The following MCC variants were observed in gnomAD, a reference collection of about 807,000 sequenced individuals.
MCC encodes colorectal mutant cancer protein.
In MCC, 90 loss-of-function variants were observed where a neutral mutation model predicts 116.2. That is an observed-to-expected ratio of 0.77 (90% CI 0.65 to 0.92). The LOEUF (loss-of-function observed/expected upper bound fraction) is 0.92, where lower values mean the gene tolerates loss of function less well. Ranked by LOEUF, MCC falls within the 40% of genes least tolerant of loss-of-function variation. The probability of loss-of-function intolerance (pLI) is 0.00; values close to 1 mark genes in which losing one functional copy is unlikely to be tolerated. For synonymous variants in MCC, 578 were observed against 510.5 expected (o/e 1.13, Z -1.78); for missense variants, 1,516 against 1,312.2 (o/e 1.16, Z -2.40).
At chr5:113,282,431 T>C (rs994191746) in intron 3 of MCC, among the ~76,000 whole-genome samples, 5 of 152,206 alleles carry the variant, frequency 3.3e-5, no homozygotes, top group South Asian at 2.1e-4. Flanking sequence ...GCAGTTCAGA[T>C]GCCCAAAATG....
intron 3 of MCC, among the ~76,000 whole-genome samples, chr5:113,212,479 A>G (rs1763168731): frequency 6.6e-6 from 1 of 152,206 alleles, no homozygotes. Context: ...ACACCGAAAA[A>G]AAAAGATCTC....
At position 113,085,251 on chromosome 5, in the gene MCC, G is replaced by T. The variant is rs767096279; in HGVS notation, c.1458C>A (p.Gly486=). The T allele has an allele frequency of 1.1e-5, 18 of 1,614,160 alleles. No homozygotes were observed. The highest frequency in any genetic ancestry group is 1.5e-5 in the Non-Finnish European group (18 of 1,180,032). ...SVQATGPSSP[G]RLTSTNRPIN... is the part of the protein sequence containing the mutation. ...TCGGGCGGTTGGTGGAAGTGAGGCG[G>T]CCAGGGCTGGAGGGACCTGTGGCCT... Residue 486 remains glycine, a synonymous_variant, in exon 9 of 19, where the codon GGC becomes GGA. Transcript: ENST00000408903.
intron 2 of MCC, among the ~76,000 whole-genome samples, chr5:113,351,424 G>A (rs1221625978): frequency 6.6e-6 from 1 of 152,082 alleles, no homozygotes; most frequent in African/African-American, 2.4e-5. Flanking sequence ...TATGTTAAAT[G>A]AAATAAGCCA....
intron 3 of MCC, among the ~76,000 whole-genome samples, chr5:113,289,532 T>C (rs1766403896): frequency 6.6e-6 from 1 of 152,060 alleles, no homozygotes; most frequent in South Asian, 2.1e-4. Flanking sequence ...CACACAGAAA[T>C]GATCCTGTGC....
intron 3 of MCC, among the ~76,000 whole-genome samples, chr5:113,192,579 C>T (rs1477406138): frequency 2.6e-5 from 4 of 152,188 alleles, no homozygotes; most frequent in African/African-American, 9.7e-5. Flanking sequence ...AGAATCCTAG[C>T]TCTGAAACTA....
intron 5 of MCC, among the ~76,000 whole-genome samples, chr5:113,124,976 A>T (rs1757960652): frequency 6.6e-6 from 1 of 152,220 alleles, no homozygotes; most frequent in South Asian, 2.1e-4. Flanking sequence ...ACCTAATTTC[A>T]GTTACGTCAC....
chr5:113,214,313 C>T (rs1019100094), intron 3 of MCC, among the ~76,000 whole-genome samples: 1 of 152,222 alleles, frequency 6.6e-6, no homozygotes, highest in Non-Finnish European at 1.5e-5. Context: ...CTACCACATG[C>T]TCAGTCCTCT....
Position 113,064,050 on chromosome 5 carries a change from C to G in MCC, c.2147G>C (p.Gly716Ala). ...GCTGCAGCCGGCCACGGCAAAGGCT[C>G]CCCCACAGCTGCCGTCCAGCTTCAT... is the stretch of plus-strand genomic sequence containing the variant. ...LLMKLDGSCGGAFAVAGCSVQ... is the reference protein window; with the variant it reads ...LLMKLDGSCGAAFAVAGCSVQ... The change falls in exon 14 of 19, where the codon GGA becomes GCA. Residue 716 changes from glycine (G) to alanine (A), a missense_variant. Physicochemically the swap from Gly to Ala is moderately conservative, Grantham distance 60 (BLOSUM62 0). Transcript: ENST00000408903. 9 of 1,614,156 alleles carry G rather than the reference C, an allele frequency of 5.6e-6. 1 individual carries two copies. In the Middle Eastern group the frequency reaches 1.5e-3, roughly 268 times the overall value.
chr5:113,077,419 C>T (rs1754533337), intron 11 of MCC, among the ~76,000 whole-genome samples: 1 of 152,180 alleles, frequency 6.6e-6, no homozygotes, highest in South Asian at 2.1e-4. Context: ...AAGCACTCCT[C>T]AGCAAATGGA....
intron 1 of MCC, among the ~76,000 whole-genome samples, chr5:113,430,183 T>C (rs910187179): frequency 6.6e-6 from 1 of 152,256 alleles, no homozygotes; most frequent in East Asian, 1.9e-4. Context: ...TAGTCATTTT[T>C]TCAACACTAA....
chr5:113,064,957 T>C (rs1005256899), intron 13 of MCC, among the ~76,000 whole-genome samples: 3 of 152,272 alleles, frequency 2.0e-5, no homozygotes, highest in African/African-American at 4.8e-5. Flanking sequence ...GGAGTTCAAA[T>C]ACAGCCTGGG....
chr5:113,250,749 A>G (rs555124759), intron 3 of MCC, among the ~76,000 whole-genome samples: 75 of 152,280 alleles, frequency 4.9e-4, no homozygotes, highest in Non-Finnish European at 9.7e-4. Flanking sequence ...TGGAAAACGC[A>G]TGTGGCTTTT....
intron 14 of MCC, among the ~76,000 whole-genome samples, chr5:113,060,147 T>C (rs4705766): frequency 0.83 from 123,523 of 148,056 alleles, 50,576 homozygotes; most frequent in Non-Finnish European, 0.89. Flanking sequence ...AGCAGCTCTT[T>C]TTGTTTGTTT....
At chr5:113,304,483 C>T (rs1173904070) in intron 3 of MCC, among the ~76,000 whole-genome samples, 1 of 152,214 alleles carries the variant, frequency 6.6e-6, no homozygotes, top group African/African-American at 2.4e-5. Flanking sequence ...TAATAACCCA[C>T]AGTCATTTGG....
chr5:113,324,671 G>A (rs922068111), intron 3 of MCC, among the ~76,000 whole-genome samples: 1 of 152,146 alleles, frequency 6.6e-6, no homozygotes, highest in Non-Finnish European at 1.5e-5. Context: ...ATTTCTTTCT[G>A]AGAATCTAAA....
At chr5:113,423,183 T>A (rs1268729559) in intron 1 of MCC, among the ~76,000 whole-genome samples, 2 of 152,200 alleles carry the variant, frequency 1.3e-5, no homozygotes, top group Non-Finnish European at 2.9e-5. Context: ...TTTTCATACC[T>A]TCGTGCTTTT....
At chr5:113,396,740 G>A (rs1293591182) in intron 1 of MCC, among the ~76,000 whole-genome samples, 2 of 152,180 alleles carry the variant, frequency 1.3e-5, no homozygotes, top group African/African-American at 2.4e-5. Flanking sequence ...CCCAAGGATG[G>A]AGAATTTTGT....
chr5:113,155,374 G>A lies in MCC; in HGVS notation c.628-3952C>T, dbSNP rs149941042. On this transcript the variant is annotated intron_variant, in intron 3 of 18. Coordinates refer to ENST00000408903, the MANE Select transcript of MCC (RefSeq NM_001085377.2). ...GATACAGGTGTTCCTGTAATAAGCCGATTTTCTTTGCTTTGAACAAATACC... is the reference window on the plus strand; with the variant it reads ...GATACAGGTGTTCCTGTAATAAGCCAATTTTCTTTGCTTTGAACAAATACC... 2.5e-3 allele frequency among the ~76,000 whole-genome samples: 386 copies of A among 152,278 alleles called. 1 individual carries two copies. The highest frequency in any genetic ancestry group is 0.01 in the Middle Eastern group (3 of 294).
intron 16 of MCC, among the ~76,000 whole-genome samples, chr5:113,047,122 G>C (rs1213737890): frequency 6.6e-6 from 1 of 152,162 alleles, no homozygotes; most frequent in African/African-American, 2.4e-5. Context: ...CAGAAAACCT[G>C]TCCTGAATCT....
Sources: gnomAD v4.1 joint callset for allele counts (sites outside exome capture counted in the v4.1 genomes callset) on GRCh38, gnomAD v4.1.1 for gene constraint, MANE v1.5 for transcripts, NCBI Gene and HGNC (gene_info 2026-07-23, HGNC 2026-07-21) for gene names.